NLGN1: variants seen among roughly 807,000 people sequenced by gnomAD.
NLGN1 encodes neuroligin-1.
NLGN1 carries 12 observed loss-of-function variants against 65.5 expected under a neutral mutation model. The ratio of observed to expected loss-of-function variants is 0.18; its 90% CI spans 0.12 to 0.30. NLGN1 has a LOEUF of 0.30. NLGN1 is among the 10% of genes least tolerant of loss of function. The pLI is 1.00. For missense variants in NLGN1, 750 were observed against 1,007.1 expected, an observed-to-expected ratio of 0.74 and a Z score of 3.46; for synonymous variants, 350 against 359.5, an observed-to-expected ratio of 0.97 and a Z score of 0.30.
intron 2 of NLGN1, among the ~76,000 whole-genome samples, chr3:173,558,142 TGTC>T (rs1305748626): frequency 1.3e-5 from 2 of 152,128 alleles, no homozygotes; most frequent in Non-Finnish European, 2.9e-5. Context: ...ACAGTTGCAT[TGTC>T]TTCTTACTTG....
At chr3:173,766,887 G>T (rs1054955958) in intron 3 of NLGN1, among the ~76,000 whole-genome samples, 6 of 152,068 alleles carry the variant, frequency 3.9e-5, no homozygotes, top group African/African-American at 1.2e-4. Context: ...AATAACATGA[G>T]CTAATATGCA....
At chr3:173,486,020 G>T (rs1184068555) in intron 2 of NLGN1, among the ~76,000 whole-genome samples, 2 of 151,660 alleles carry the variant, frequency 1.3e-5, no homozygotes, top group Non-Finnish European at 2.9e-5. Flanking sequence ...GCTAGTGATT[G>T]CCTCTTTTTC....
Position 173,891,185 on chromosome 3 carries a change from C to T in NLGN1, c.646+83353C>T, listed in dbSNP as rs574437354. ...GTTGACAGGTAATGACAGCAAAGCA[C>T]TCTGGACACAATGCTAATATTGTGC... is the stretch of plus-strand genomic sequence containing the variant. On this transcript the variant is annotated intron_variant, in intron 4 of 6. Coordinates refer to ENST00000457714, the Ensembl canonical transcript of NLGN1. Among the ~76,000 whole-genome samples, 4 of 152,264 alleles carry T rather than the reference C, an allele frequency of 2.6e-5. No homozygotes were observed. The South Asian group carries it at 8.3e-4, about 32-fold the overall frequency.
At chr3:174,051,945 A>T (rs1321834191) in intron 4 of NLGN1, among the ~76,000 whole-genome samples, 2 of 151,808 alleles carry the variant, frequency 1.3e-5, no homozygotes, top group Non-Finnish European at 2.9e-5. Flanking sequence ...AGTTCTAGCC[A>T]TGGGTTCTCT....
chr3:173,832,552 G>A (rs888832155), intron 4 of NLGN1, among the ~76,000 whole-genome samples: 2 of 152,148 alleles, frequency 1.3e-5, no homozygotes, highest in African/African-American at 2.4e-5. Context: ...AAAAAGGTAT[G>A]TATGAAATAC....
chr3:174,024,679 G>A (rs976110895), intron 4 of NLGN1, among the ~76,000 whole-genome samples: 6 of 152,158 alleles, frequency 3.9e-5, no homozygotes, highest in African/African-American at 1.2e-4. Context: ...TCTATCCAAA[G>A]CATTGAATAT....
intron 1 of NLGN1, among the ~76,000 whole-genome samples, chr3:173,420,116 T>C (rs899786781): frequency 3.9e-5 from 6 of 152,070 alleles, no homozygotes; most frequent in Admixed American, 2.0e-4. Context: ...AGGGTACATG[T>C]GCACAACGTG....
intron 4 of NLGN1, among the ~76,000 whole-genome samples, chr3:174,076,900 G>A (rs1741135224): frequency 6.6e-6 from 1 of 152,036 alleles, no homozygotes; most frequent in Non-Finnish European, 1.5e-5. Context: ...ATCACCACTT[G>A]GTTAAAATTG....
chr3:173,704,950 G>T (rs771112505), intron 3 of NLGN1, among the ~76,000 whole-genome samples: 1 of 152,154 alleles, frequency 6.6e-6, no homozygotes, highest in Non-Finnish European at 1.5e-5. Flanking sequence ...CTGCTACCAT[G>T]TAATCAATAA....
At chr3:173,600,245 A>C (rs1474250212) in intron 2 of NLGN1, among the ~76,000 whole-genome samples, 1 of 150,572 alleles carries the variant, frequency 6.6e-6, no homozygotes, top group Middle Eastern at 3.4e-3. Flanking sequence ...CTTTAAAAAC[A>C]AAAGGTCTGT....
intron 4 of NLGN1, among the ~76,000 whole-genome samples, chr3:174,091,136 A>C (rs1744433414): frequency 6.6e-6 from 1 of 152,170 alleles, no homozygotes; most frequent in South Asian, 2.1e-4. Context: ...AAGAAAATTA[A>C]CCTGGAGTTG....
intron 4 of NLGN1, among the ~76,000 whole-genome samples, chr3:173,969,666 G>C (rs911860813): frequency 6.6e-6 from 1 of 151,926 alleles, no homozygotes; most frequent in Non-Finnish European, 1.5e-5. Flanking sequence ...ATGACTATCT[G>C]GAATGCCAAT....
chr3:174,241,676 C>T (rs1057091052), intron 4 of NLGN1, among the ~76,000 whole-genome samples: 3 of 149,396 alleles, frequency 2.0e-5, no homozygotes, highest in African/African-American at 7.4e-5. Flanking sequence ...CTTTTTGAGA[C>T]GGAGTCTCGT....
chr3:173,821,368 A>AT (rs1720260822), intron 4 of NLGN1, among the ~76,000 whole-genome samples: 1 of 152,172 alleles, frequency 6.6e-6, no homozygotes, highest in Admixed American at 6.5e-5. Context: ...TATCACCATA[A>AT]TTAGGAGCAA....
chr3:173,564,268 C>T (rs551800145), intron 2 of NLGN1, among the ~76,000 whole-genome samples: 2 of 152,316 alleles, frequency 1.3e-5, no homozygotes, highest in South Asian at 4.1e-4. Flanking sequence ...CCTCTATGCT[C>T]TTTATAGATC....
intron 4 of NLGN1, among the ~76,000 whole-genome samples, chr3:173,813,296 A>C (rs1302631112): frequency 6.6e-6 from 1 of 152,202 alleles, no homozygotes; most frequent in Non-Finnish European, 1.5e-5. Flanking sequence ...AAAAAACAAA[A>C]GTCTCATACT....
intron 4 of NLGN1, among the ~76,000 whole-genome samples, chr3:173,988,438 TTAA>T (rs891815767): frequency 6.6e-6 from 1 of 152,174 alleles, no homozygotes; most frequent in African/African-American, 2.4e-5. Context: ...CAATCCTTTG[TTAA>T]TAATCTGATT....
intron 2 of NLGN1, among the ~76,000 whole-genome samples, chr3:173,440,822 C>T (rs1041780761): frequency 7.9e-5 from 12 of 152,134 alleles, no homozygotes; most frequent in African/African-American, 2.7e-4. Context: ...TCTCTAGCTG[C>T]ATTAGCCCCT....
At chr3:173,445,332 C>T (rs1224362458) in intron 2 of NLGN1, among the ~76,000 whole-genome samples, 2 of 148,502 alleles carry the variant, frequency 1.3e-5, no homozygotes, top group Admixed American at 6.7e-5. Context: ...GGTTTCCTGT[C>T]AGTTGGTGTC....
Sources: allele counts gnomAD v4.1 joint callset (sites outside exome capture counted in the v4.1 genomes callset), GRCh38; gene constraint gnomAD v4.1.1; transcripts MANE v1.5; gene names NCBI Gene and HGNC (gene_info 2026-07-23, HGNC 2026-07-21).